The following SPACA6 variants were observed in gnomAD, a reference collection of about 807,000 sequenced individuals.
SPACA6 encodes sperm acrosome membrane-associated protein 6.
For missense variants in SPACA6, 8 were observed against 2.8 expected (o/e 2.88, Z -1.34); for synonymous variants, 6 against 1.5 (o/e 4.05, Z -2.21).
intron 2 of SPACA6, 110 bp from the exon 3 acceptor site, chr19:51,701,548 G>C (rs2083468475): frequency 2.5e-6 from 1 of 392,446 alleles, no homozygotes; most frequent in Non-Finnish European, 4.5e-6. Context: ...TACGTCCTGT[G>C]AGCTAGGGCC....
intron 3 of SPACA6, among the ~76,000 whole-genome samples, chr19:51,702,094 C>A (rs1357911442): frequency 6.6e-6 from 1 of 152,046 alleles, no homozygotes; most frequent in South Asian, 2.1e-4. Context: ...GACCCCCCAT[C>A]CACTCCCCGT....
chr19:51,699,448 G>A (rs1016621594), intron 2 of SPACA6, among the ~76,000 whole-genome samples: 1 of 152,178 alleles, frequency 6.6e-6, no homozygotes, highest in African/African-American at 2.4e-5. Context: ...AGATATATAG[G>A]TATTTGGAGG....
upstream of SPACA6, chr19:51,692,744 C>G (rs780793985): frequency 1.9e-6 from 1 of 534,314 alleles, no homozygotes; most frequent in East Asian, 5.5e-5. This position sits in a 1 kb window ranked among gnomAD's most constrained non-coding sequence, Gnocchi z 5.6. Context: ...TCCTCCTGGT[C>G]CCTGTCTGTC....
downstream of SPACA6, among the ~76,000 whole-genome samples, chr19:51,706,855 C>T (rs766096630): frequency 5.3e-5 from 8 of 152,180 alleles, no homozygotes; most frequent in South Asian, 2.1e-4. Flanking sequence ...GACAGGGTTT[C>T]GCCATTTTGG....
chr19:51,691,352 G>A (rs1003007762), upstream of SPACA6, among the ~76,000 whole-genome samples: 7 of 151,478 alleles, frequency 4.6e-5, no homozygotes, highest in Admixed American at 2.0e-4. Context: ...GAGAGGGAAG[G>A]GGCGGAGGGA....
rs2083493157 is a variant in SPACA6, at chr19:51,704,104, T to C, written c.648T>C (p.Ala216=). ...GATACCTGGCGCGGATCCGGCCGGC[T>C]CAGCTCACGCACCGCGGGACGTTCT... ...AEGYLARIRP[A]QLTHRGTFSC... is the part of the protein sequence containing the mutation. Residue 216 remains alanine, a synonymous_variant, in exon 7 of 9, where the codon GCT becomes GCC. Transcript: ENST00000637797. The C allele has an allele frequency of 2.5e-6, 1 of 401,024 alleles. No individual in the cohort carries two copies. The highest frequency in any genetic ancestry group is 4.4e-6 in the Non-Finnish European group (1 of 226,216). The allele number at this position is 401,024 out of a possible 1,614,324, so 24.8% of individuals were successfully genotyped here. A position where few individuals can be genotyped will look rare whatever the true frequency, so the allele number is the denominator to read the frequency against.
At position 51,711,244 on chromosome 19, in the gene SPACA6, G is replaced by T. The variant is rs115351021; in HGVS notation, n.200-789G>T. 6.8e-3 allele frequency among the ~76,000 whole-genome samples: 1,031 copies of T among 152,294 alleles called. 8 individuals are homozygous for T. The highest frequency in any genetic ancestry group is 0.021 in the African/African-American group (882 of 41,544). ...CAAGAGCAGTTTCTATGGAGAGCTA[G>T]GGGAAAGCATGACCATCTGATTGGC... On this transcript the variant is annotated intron_variant and non_coding_transcript_variant, in intron 2 of 2. Coordinates refer to the SPACA6 transcript ENST00000573896.
chr19:51,696,139 G>A (rs754444087), intron 2 of SPACA6, among the ~76,000 whole-genome samples: 15 of 152,122 alleles, frequency 9.9e-5, no homozygotes, highest in Non-Finnish European at 1.9e-4. Flanking sequence ...AGGAGTGTGA[G>A]CAGTGAAGAA....
chr19:51,689,272 G>C (rs1034013806), upstream of SPACA6: 1 of 152,122 alleles, frequency 6.6e-6, no homozygotes, highest in Non-Finnish European at 1.5e-5. Flanking sequence ...AAGCCAGGCC[G>C]GACTGGGCTG....
In SPACA6 at chr19:51,704,147, G is replaced by C. The variant is rs1048449273; in HGVS notation, c.691G>C (p.Asp231His). 4 of 401,046 alleles carry C rather than the reference G, an allele frequency of 1.0e-5. No individual in the cohort carries two copies. The Admixed American group carries it at 1.3e-4, about 13-fold the overall frequency. 24.8% of individuals were successfully genotyped at this position (401,046 alleles called of 1,614,324 possible). ...GACGTTCTCCTGCGTGATCAAGCAA[G>C]ACCAGCGCCCCCTGGCCCGGCTCTA... The part of the protein sequence containing the change: ...RGTFSCVIKQ[D>H]QRPLARLYFF... Residue 231 changes from aspartate (D) to histidine (H), a missense_variant, in exon 7 of 9, where the codon GAC becomes CAC. Transcript: ENST00000637797.
chr19:51,683,616 T>TG, the SPACA6 span, among the ~76,000 whole-genome samples: 1 of 152,260 alleles, frequency 6.6e-6, no homozygotes, highest in East Asian at 1.9e-4. Context: ...TAAAATTCTG[T>TG]GCATGTGTAT....
upstream of SPACA6, chr19:51,692,933 G>T: frequency 2.0e-6 from 1 of 510,182 alleles, no homozygotes; most frequent in East Asian, 5.6e-5. This position sits in a 1 kb window ranked among gnomAD's most constrained non-coding sequence, Gnocchi z 5.6. Context: ...AGCCCCACTG[G>T]GCTGCCCCAG....
chr19:51,683,372 T>C, the SPACA6 span, among the ~76,000 whole-genome samples: 15 of 152,160 alleles, frequency 9.9e-5, no homozygotes, highest in Non-Finnish European at 1.6e-4. Context: ...GTAAAGGCTC[T>C]CAAAGAAGGT....
At chr19:51,686,556 T>A (rs1223345445), upstream of SPACA6, 1 of 152,198 alleles carries the variant, frequency 6.6e-6, no homozygotes. Flanking sequence ...TCCTTCTTAA[T>A]CATACATGAA....
chr19:51,702,480 C>T (rs957474601), intron 3 of SPACA6, 149 bp from the exon 4 acceptor site: 7 of 393,232 alleles, frequency 1.8e-5, no homozygotes, highest in Middle Eastern at 6.4e-4. Context: ...TGGAACCCAG[C>T]CGGCTTGACC....
intron 8 of SPACA6, 125 bp from the exon 9 acceptor site, chr19:51,704,965 C>G (rs2083506862): frequency 2.5e-6 from 1 of 396,970 alleles, no homozygotes; most frequent in African/African-American, 2.1e-5. Context: ...CCCCCTGCCC[C>G]CTCCTCCCTC....
chr19:51,702,502 T>C (rs1040160716), intron 3 of SPACA6, 127 bp from the exon 4 acceptor site: 10 of 373,588 alleles, frequency 2.7e-5, no homozygotes, highest in Non-Finnish European at 4.7e-6. Flanking sequence ...CGCCCCCAGG[T>C]TATGACGAAA....
the SPACA6 span, among the ~76,000 whole-genome samples, chr19:51,683,627 GAATA>G: frequency 6.6e-6 from 1 of 152,210 alleles, no homozygotes; most frequent in Non-Finnish European, 1.5e-5. Flanking sequence ...GCATGTGTAT[GAATA>G]AATTAGAATA....
intron 2 of SPACA6, among the ~76,000 whole-genome samples, chr19:51,711,086 GA>G (rs915192172): frequency 1.3e-5 from 2 of 151,808 alleles, no homozygotes; most frequent in African/African-American, 4.8e-5. Flanking sequence ...TCTCAAAAAA[GA>G]AAAAAAGGAA....
Sources: gnomAD v4.1 joint callset for allele counts (sites outside exome capture counted in the v4.1 genomes callset) on GRCh38, gnomAD v4.1.1 for gene constraint, Gnocchi (gnomAD v3.1) non-coding constraint, MANE v1.5 for transcripts, NCBI Gene and HGNC (gene_info 2026-07-23, HGNC 2026-07-21) for gene names.